Variants in PTPRD observed in about 807,000 individuals in gnomAD.
The protein encoded by PTPRD is protein tyrosine phosphatase receptor type D.
PTPRD carries 34 observed loss-of-function variants against 214.5 expected under a neutral mutation model. The observed-to-expected ratio is 0.16, with a 90% CI of 0.12 to 0.21. The LOEUF is 0.21. Ranked by LOEUF, PTPRD falls within the 10% of genes least tolerant of loss-of-function variation. The probability of loss-of-function intolerance (pLI) is 1.00; values close to 1 mark genes in which losing one functional copy is unlikely to be tolerated. For missense variants in PTPRD, 2,545 were observed against 2,398.7 expected (o/e 1.06, Z -1.27); for synonymous variants, 1,128 against 845.7 (o/e 1.33, Z -5.79).
intron 8 of PTPRD, among the ~76,000 whole-genome samples, chr9:9,490,168 C>T (rs1203607769): frequency 6.6e-6 from 1 of 152,000 alleles, no homozygotes; most frequent in Non-Finnish European, 1.5e-5. Context: ...AACCATCCTT[C>T]AAAACTCAGG....
rs547263966 is a variant in PTPRD at position 10,038,093 on chromosome 9, G to T, written c.-544-4303C>A. Among the ~76,000 whole-genome samples, 211 of 151,962 alleles carry T rather than the reference G, an allele frequency of 1.4e-3. 1 individual carries two copies. Among genetic ancestry groups the T allele is most frequent in the African/African-American group, 4.7e-3 (196 of 41,462 alleles). Reference sequence around the variant, plus strand: ...ATTTTATCTGTCACATCTCATATTTGGTTCTACTGAACATGAGTACCATTT... The same window carrying T: ...ATTTTATCTGTCACATCTCATATTTTGTTCTACTGAACATGAGTACCATTT... On this transcript the variant is annotated intron_variant, in intron 3 of 45. Transcript: ENST00000381196.
chr9:8,567,900 C>T (rs1459391388), intron 14 of PTPRD, among the ~76,000 whole-genome samples: 2 of 152,062 alleles, frequency 1.3e-5, no homozygotes, highest in Middle Eastern at 3.2e-3. Context: ...TATACTGTGA[C>T]ATTTTTGAAT....
chr9:8,596,039 G>A (rs977869390), intron 14 of PTPRD, among the ~76,000 whole-genome samples: 7 of 152,084 alleles, frequency 4.6e-5, no homozygotes, highest in Non-Finnish European at 7.4e-5. Context: ...ATGTCTTAAA[G>A]GCACAGGTAT....
chr9:9,013,162 T>A (rs746537193), intron 11 of PTPRD, among the ~76,000 whole-genome samples: 1 of 152,126 alleles, frequency 6.6e-6, no homozygotes, highest in Non-Finnish European at 1.5e-5. Flanking sequence ...TTTTTGTTTT[T>A]TCAATATCTG....
chr9:9,280,855 T>C (rs908226667), intron 9 of PTPRD, among the ~76,000 whole-genome samples: 21 of 151,226 alleles, frequency 1.4e-4, no homozygotes, highest in African/African-American at 5.1e-4. Flanking sequence ...AGGGCTGACA[T>C]ATCCGACTTC....
intron 11 of PTPRD, among the ~76,000 whole-genome samples, chr9:8,919,738 C>T (rs1389029660): frequency 1.3e-5 from 2 of 152,026 alleles, no homozygotes; most frequent in East Asian, 1.9e-4. Context: ...CATGCACACA[C>T]ATACATGTAT....
At chr9:8,428,346 T>C (rs12349376) in intron 35 of PTPRD, among the ~76,000 whole-genome samples, 11,173 of 152,286 alleles carry the variant, frequency 0.073, 632 homozygotes, top group African/African-American at 0.16. Context: ...TAGCCATTCA[T>C]CTTCCTCAAT....
chr9:9,485,358 T>C (rs995590384), intron 8 of PTPRD, among the ~76,000 whole-genome samples: 1 of 152,194 alleles, frequency 6.6e-6, no homozygotes, highest in Non-Finnish European at 1.5e-5. Flanking sequence ...AGAAACGTTT[T>C]GGAATAAAAA....
intron 10 of PTPRD, among the ~76,000 whole-genome samples, chr9:9,053,427 G>A (rs181044452): frequency 6.6e-6 from 1 of 152,146 alleles, no homozygotes; most frequent in East Asian, 1.9e-4. Flanking sequence ...GATGATGTCT[G>A]CTCTATACAA....
At chr9:8,597,499 A>C (rs1462146530) in intron 14 of PTPRD, among the ~76,000 whole-genome samples, 1 of 150,186 alleles carries the variant, frequency 6.7e-6, no homozygotes, top group Non-Finnish European at 1.5e-5. Flanking sequence ...AAAAGCAAAA[A>C]TATCAAAATA....
At chr9:9,040,306 T>C (rs545431722) in intron 10 of PTPRD, among the ~76,000 whole-genome samples, 48 of 152,204 alleles carry the variant, frequency 3.2e-4, no homozygotes, top group Non-Finnish European at 4.1e-4. Context: ...TGACATATAC[T>C]GCCTGGCAGA....
At chr9:9,259,613 C>G (rs1335089239) in intron 9 of PTPRD, among the ~76,000 whole-genome samples, 2 of 151,938 alleles carry the variant, frequency 1.3e-5, no homozygotes, top group Non-Finnish European at 1.5e-5. Flanking sequence ...TACCAGAACT[C>G]TAAAGCCCAT....
intron 4 of PTPRD, among the ~76,000 whole-genome samples, chr9:9,982,753 A>AAAAAT (rs1170057462): frequency 1.3e-5 from 2 of 152,150 alleles, no homozygotes; most frequent in Admixed American, 1.3e-4. Context: ...TAAAAATTAA[A>AAAAAT]AAAATAAAAT....
chr9:10,023,343 T>C (rs762985448), intron 4 of PTPRD, among the ~76,000 whole-genome samples: 1 of 152,174 alleles, frequency 6.6e-6, no homozygotes, highest in Non-Finnish European at 1.5e-5. Flanking sequence ...TCTCCAGCCA[T>C]GCCACAGACA....
intron 11 of PTPRD, among the ~76,000 whole-genome samples, chr9:8,823,462 TATA>T (rs1440046660): frequency 6.6e-6 from 1 of 152,140 alleles, no homozygotes; most frequent in Non-Finnish European, 1.5e-5. Context: ...CCAGCAAGTT[TATA>T]TGCCAGCCTT....
At chr9:8,984,654 G>A (rs1453383518) in intron 11 of PTPRD, among the ~76,000 whole-genome samples, 1 of 152,076 alleles carries the variant, frequency 6.6e-6, no homozygotes, top group Non-Finnish European at 1.5e-5. Flanking sequence ...CAGTTGGCAA[G>A]TTAACCTCTC....
chr9:9,999,562 A>T (rs1436919935), intron 4 of PTPRD, among the ~76,000 whole-genome samples: 1 of 152,236 alleles, frequency 6.6e-6, no homozygotes, highest in East Asian at 1.9e-4. Context: ...TGGCAAGTAA[A>T]GTTTTAAATG....
chr9:10,397,679 G>T (rs1485601348), intron 2 of PTPRD, among the ~76,000 whole-genome samples: 1 of 151,856 alleles, frequency 6.6e-6, no homozygotes, highest in African/African-American at 2.4e-5. Flanking sequence ...ATTACCTACG[G>T]TATTTAGCAC....
chr9:10,216,848 T>C (rs1352366864), intron 3 of PTPRD, among the ~76,000 whole-genome samples: 1 of 152,008 alleles, frequency 6.6e-6, no homozygotes, highest in Admixed American at 6.6e-5. Context: ...AATGATTCTG[T>C]TCGTTAGAGG....
Sources: allele counts gnomAD v4.1 joint callset (sites outside exome capture counted in the v4.1 genomes callset), GRCh38; gene constraint gnomAD v4.1.1; transcripts MANE v1.5; gene names NCBI Gene and HGNC (gene_info 2026-07-23, HGNC 2026-07-21).